The following NELL2 variants were observed in gnomAD, a reference collection of about 807,000 sequenced individuals.
NELL2 encodes protein kinase C-binding protein NELL2.
Under a neutral mutation model 109.6 loss-of-function variants are expected in NELL2, and 41 were observed. The ratio of observed to expected loss-of-function variants is 0.37; its 90% CI spans 0.29 to 0.49. The LOEUF (loss-of-function observed/expected upper bound fraction) is 0.49. Ranked by LOEUF, NELL2 falls within the 20% of genes least tolerant of loss-of-function variation. The pLI is 0.98. For synonymous variants in NELL2, 355 were observed against 344.7 expected (o/e 1.03, Z -0.33); for missense variants, 900 against 1,008.3 (o/e 0.89, Z 1.45).
intron 2 of NELL2, among the ~76,000 whole-genome samples, chr12:44,835,527 A>AG (rs1440530654): frequency 3.3e-5 from 5 of 152,246 alleles, no homozygotes; most frequent in Non-Finnish European, 5.9e-5. Context: ...GCAGCCGCTC[A>AG]GGGCCAACAC....
chr12:44,668,056 G>T (rs951054453), intron 12 of NELL2, among the ~76,000 whole-genome samples: 1 of 152,118 alleles, frequency 6.6e-6, no homozygotes, highest in Non-Finnish European at 1.5e-5. Flanking sequence ...CCTGTCCTGA[G>T]GCCCAAAAGC....
At chr12:44,586,309 C>T (rs943327067) in intron 15 of NELL2, among the ~76,000 whole-genome samples, 2 of 149,618 alleles carry the variant, frequency 1.3e-5, no homozygotes, top group Admixed American at 1.3e-4. Flanking sequence ...TATATACACA[C>T]ACACATATAT....
intron 15 of NELL2, among the ~76,000 whole-genome samples, chr12:44,594,021 C>G (rs1736750969): frequency 6.6e-6 from 1 of 151,916 alleles, no homozygotes; most frequent in Non-Finnish European, 1.5e-5. Context: ...TCTCAGCAAA[C>G]TAACACAGGA....
intron 12 of NELL2, among the ~76,000 whole-genome samples, chr12:44,677,167 A>C (rs1948346880): frequency 6.6e-6 from 1 of 152,130 alleles, no homozygotes; most frequent in African/African-American, 2.4e-5. Flanking sequence ...GAATGTTGGA[A>C]ATTAAGAGAA....
intron 12 of NELL2, among the ~76,000 whole-genome samples, chr12:44,677,987 A>G (rs1409499709): frequency 6.6e-6 from 1 of 152,090 alleles, no homozygotes; most frequent in Non-Finnish European, 1.5e-5. Flanking sequence ...TGGGCTAGAG[A>G]TCAAGATTTG....
At chr12:44,649,678 C>T (rs1422047701) in intron 13 of NELL2, among the ~76,000 whole-genome samples, 6 of 152,150 alleles carry the variant, frequency 3.9e-5, no homozygotes, top group African/African-American at 1.4e-4. Flanking sequence ...ATTCTTTGAG[C>T]CCCCATACCC....
At chr12:44,551,184 C>T (rs1332036853) in intron 15 of NELL2, among the ~76,000 whole-genome samples, 1 of 152,078 alleles carries the variant, frequency 6.6e-6, no homozygotes, top group African/African-American at 2.4e-5. Context: ...TCAAGCATAC[C>T]TCAATGAAGT....
Position 44,700,676 on chromosome 12 carries a change from A to C in NELL2, c.1318+3050T>G, listed in dbSNP as rs947324881. ...AAGCAAAATTTTCCCTAACCCCACC[A>C]CCCAGATCATATGCCCTATTAATCT... On this transcript the variant is annotated intron_variant, in intron 12 of 19. Coordinates refer to ENST00000429094, the MANE Select transcript of NELL2 (RefSeq NM_001145108.2). Among the ~76,000 whole-genome samples the C allele has an allele frequency of 5.9e-5, 9 of 152,148 alleles. No individual in the cohort carries two copies. In the East Asian group the frequency reaches 1.5e-3, roughly 26 times the overall value.
chr12:44,823,442 T>C (rs1041125909), intron 2 of NELL2, among the ~76,000 whole-genome samples: 2 of 152,206 alleles, frequency 1.3e-5, no homozygotes, highest in Admixed American at 1.3e-4. Flanking sequence ...TCTCTGCTTC[T>C]ATGAATTCAA....
chr12:44,599,351 A>G (rs1470460266), intron 15 of NELL2, among the ~76,000 whole-genome samples: 2 of 152,158 alleles, frequency 1.3e-5, no homozygotes, highest in African/African-American at 4.8e-5. Flanking sequence ...GACATAAAAG[A>G]AGGAATCAAA....
In NELL2 at chr12:44,610,923, A is replaced by C; in HGVS notation, c.1492T>G (p.Leu498Val). ...TNQHNCDENA[L>V]CFNTVGGHNC... ...TGTCCTCCAACAGTGTTGAAGCATA[A>C]AGCATTTTCATCACAGTTGTGCTGA... Residue 498 changes from leucine to valine, a missense_variant, in exon 14 of 20, where the codon TTA becomes GTA. Coordinates refer to ENST00000429094, the MANE Select transcript of NELL2 (RefSeq NM_001145108.2). The C allele has an allele frequency of 1.2e-6, 2 of 1,613,048 alleles. No individual in the cohort carries two copies. Among genetic ancestry groups the C allele is most frequent in the African/African-American group, 2.7e-5 (2 of 74,934 alleles).
At chr12:44,586,852 A>G (rs1057272334) in intron 15 of NELL2, among the ~76,000 whole-genome samples, 1 of 152,224 alleles carries the variant, frequency 6.6e-6, no homozygotes, top group Non-Finnish European at 1.5e-5. Flanking sequence ...CACGTTTCCA[A>G]TGCCCTGCAC....
chr12:44,721,453 A>G (rs1323574784), intron 9 of NELL2, among the ~76,000 whole-genome samples: 3 of 152,212 alleles, frequency 2.0e-5, no homozygotes, highest in African/African-American at 7.2e-5. Flanking sequence ...ACCACTACAC[A>G]AAGAAATATA....
At chr12:44,751,389 T>TACATATTTC (rs1299567687) in intron 9 of NELL2, among the ~76,000 whole-genome samples, 1 of 152,182 alleles carries the variant, frequency 6.6e-6, no homozygotes, top group Non-Finnish European at 1.5e-5. Flanking sequence ...GAGCCTTTGA[T>TACATATTTC]ACATATTTCA....
chr12:44,647,777 A>G (rs1282784450), intron 13 of NELL2, among the ~76,000 whole-genome samples: 1 of 152,246 alleles, frequency 6.6e-6, no homozygotes, highest in Non-Finnish European at 1.5e-5. Flanking sequence ...TGTTCTGGCC[A>G]ATGAAAACCA....
chr12:44,918,503 TCATG>T (rs954478479), upstream of NELL2, among the ~76,000 whole-genome samples: 6 of 148,192 alleles, frequency 4.0e-5, no homozygotes, highest in Non-Finnish European at 7.4e-5. Context: ...ATTTATATGT[TCATG>T]CATGCATGTA....
At chr12:44,830,600 C>T (rs1250587112) in intron 2 of NELL2, among the ~76,000 whole-genome samples, 1 of 152,142 alleles carries the variant, frequency 6.6e-6, no homozygotes, top group Non-Finnish European at 1.5e-5. Flanking sequence ...AGTCCCTGTC[C>T]TTGTTTCCAC....
chr12:44,729,200 G>A (rs990674341), intron 9 of NELL2, among the ~76,000 whole-genome samples: 1 of 151,970 alleles, frequency 6.6e-6, no homozygotes, highest in Non-Finnish European at 1.5e-5. Flanking sequence ...ACCTAAAAAT[G>A]GTAATTTGTG....
At chr12:44,574,192 C>G (rs1196077824) in intron 15 of NELL2, among the ~76,000 whole-genome samples, 1 of 151,956 alleles carries the variant, frequency 6.6e-6, no homozygotes, top group Non-Finnish European at 1.5e-5. Context: ...CAACCTCCAG[C>G]CCCCTGGGTT....
Sources: gnomAD v4.1 joint callset for allele counts (sites outside exome capture counted in the v4.1 genomes callset) on GRCh38, gnomAD v4.1.1 for gene constraint, MANE v1.5 for transcripts, NCBI Gene and HGNC (gene_info 2026-07-23, HGNC 2026-07-21) for gene names.